Variants in PCM1 observed in about 807,000 individuals in gnomAD.
PCM1 encodes the protein pericentriolar material 1 protein.
PCM1 carries 157 observed loss-of-function variants against 241.9 expected under a neutral mutation model. That is an observed-to-expected ratio of 0.65 (90% CI 0.57 to 0.74). The LOEUF is 0.74. Ranked by LOEUF, PCM1 falls within the 30% of genes least tolerant of loss-of-function variation. PCM1 has a pLI of 0.00. For synonymous variants in PCM1, 1,085 were observed against 784.9 expected (o/e 1.38, Z -6.39); for missense variants, 3,478 against 2,360.1 (o/e 1.47, Z -9.81).
intron 6 of PCM1, among the ~76,000 whole-genome samples, chr8:17,942,938 A>G (rs1385848672): frequency 6.6e-6 from 1 of 151,620 alleles, no homozygotes; most frequent in African/African-American, 2.4e-5. Context: ...CGGAGGTTGC[A>G]GCGAGCCGAG....
intron 13 of PCM1, among the ~76,000 whole-genome samples, 177 bp from the exon 14 acceptor site, chr8:17,959,837 T>C (rs1199131049): frequency 6.6e-6 from 1 of 152,144 alleles, no homozygotes; most frequent in Non-Finnish European, 1.5e-5. Context: ...TGTATGCAAA[T>C]ACAAACGTGT....
chr8:17,930,414 A>C (rs1333628505), intron 2 of PCM1, among the ~76,000 whole-genome samples: 2 of 151,866 alleles, frequency 1.3e-5, no homozygotes, highest in African/African-American at 4.8e-5. Context: ...TTACTGGAAT[A>C]CTTTCTGTAC....
At chr8:17,983,340 T>G (rs2081566822) in intron 24 of PCM1, 1 of 1,147,092 alleles carries the variant, frequency 8.7e-7, no homozygotes, top group Non-Finnish European at 1.2e-6. Context: ...TTTTTCCCAT[T>G]GGTCCTAAAG....
chr8:17,952,476 C>T (rs2066439100), intron 8 of PCM1, among the ~76,000 whole-genome samples: 1 of 152,136 alleles, frequency 6.6e-6, no homozygotes, highest in South Asian at 2.1e-4. Flanking sequence ...GTAGAGTCAG[C>T]TCTCAGTATC....
chr8:17,970,604 A>G (rs1440457615), intron 22 of PCM1, among the ~76,000 whole-genome samples: 1 of 152,112 alleles, frequency 6.6e-6, no homozygotes, highest in Admixed American at 6.5e-5. Flanking sequence ...TGTTGTCAGA[A>G]GCCTAACACA....
At chr8:17,993,715 TAAAC>T in intron 29 of PCM1, 96 bp downstream of exon 29, 1 of 1,008,432 alleles carries the variant, frequency 9.9e-7, no homozygotes, top group Non-Finnish European at 1.4e-6. Flanking sequence ...ACGGTATAGG[TAAAC>T]AACAACAAAA....
intron 7 of PCM1, among the ~76,000 whole-genome samples, chr8:17,949,028 C>T (rs889229437): frequency 6.6e-6 from 1 of 152,212 alleles, no homozygotes; most frequent in East Asian, 1.9e-4. Context: ...AATTGTAGGT[C>T]AGGGGTCTTG....
chr8:18,008,651 C>A (rs890107502), intron 30 of PCM1, among the ~76,000 whole-genome samples: 1 of 152,082 alleles, frequency 6.6e-6, no homozygotes, highest in African/African-American at 2.4e-5. Context: ...TGCATAGTTA[C>A]AACAGTCTAA....
intron 6 of PCM1, among the ~76,000 whole-genome samples, chr8:17,940,818 G>C (rs1402295397): frequency 6.6e-6 from 1 of 152,176 alleles, no homozygotes; most frequent in East Asian, 1.9e-4. Context: ...GTGGTTCAAT[G>C]CTAGGGTGTT....
chr8:17,992,075 TAAATAAAC>T (rs1461756853), intron 28 of PCM1, among the ~76,000 whole-genome samples: 2 of 152,208 alleles, frequency 1.3e-5, no homozygotes, highest in South Asian at 4.1e-4. Context: ...GGTGTATAAA[TAAATAAAC>T]AAATATATCT....
At position 17,963,225 on chromosome 8, in the gene PCM1, T is replaced by G. The variant is rs753594143; in HGVS notation, c.2588T>G (p.Val863Gly). The change falls in exon 17 of 39, where the codon GTG becomes GGG. Residue 863 changes from valine (V) to glycine (G), a missense_variant. Coordinates refer to ENST00000325083, the MANE Select transcript of PCM1 (RefSeq NM_006197.4). ...GGTCTAGCTGAAACTGCATCTCCAG[T>G]GGCTGTGTCATTGAGAAGTGATGGA... ...RQGLAETASP[V>G]AVSLRSDGSE... is the part of the protein sequence containing the mutation. 1.2e-6 allele frequency: 2 copies of G among 1,613,676 alleles called. No individual in the cohort carries two copies. Among genetic ancestry groups the G allele is most frequent in the South Asian group, 1.1e-5 (1 of 90,994 alleles).
At chr8:17,935,988 A>G (rs192317790) in intron 3 of PCM1, among the ~76,000 whole-genome samples, 143 of 152,276 alleles carry the variant, frequency 9.4e-4, no homozygotes, top group African/African-American at 3.4e-3. Context: ...TGGAGAAGGA[A>G]TTGGGAAATT....
At chr8:17,932,306 G>C (rs969829189) in intron 2 of PCM1, among the ~76,000 whole-genome samples, 1 of 152,066 alleles carries the variant, frequency 6.6e-6, no homozygotes, top group African/African-American at 2.4e-5. Context: ...TAGAGAGGTA[G>C]AATTACTGCG....
chr8:17,924,066 G>C (rs557868946), intron 1 of PCM1, among the ~76,000 whole-genome samples: 1 of 151,878 alleles, frequency 6.6e-6, no homozygotes, highest in East Asian at 1.9e-4. Context: ...TTCGTGTTTG[G>C]GCGCTGGAAG....
intron 10 of PCM1, chr8:17,955,971 A>G (rs2068206199): frequency 2.7e-6 from 1 of 369,390 alleles, no homozygotes; most frequent in African/African-American, 2.1e-5. Context: ...CAGCCCTGAA[A>G]TTGTATCACA....
intron 4 of PCM1, 63 bp from the exon 5 acceptor site, chr8:17,938,677 G>C (rs2061147906): frequency 3.0e-6 from 4 of 1,333,942 alleles, no homozygotes; most frequent in Non-Finnish European, 4.2e-6. Context: ...GAACATTGGG[G>C]TTAAAACAAA....
intron 2 of PCM1, among the ~76,000 whole-genome samples, chr8:17,928,829 G>A (rs1048224474): frequency 1.3e-5 from 2 of 151,520 alleles, no homozygotes; most frequent in Admixed American, 6.6e-5. Context: ...ACAGGGTTTC[G>A]CAGTTTGGAA....
At chr8:17,944,683 A>C (rs2299590) in intron 6 of PCM1, among the ~76,000 whole-genome samples, 104,922 of 151,962 alleles carry the variant, frequency 0.69, 36,897 homozygotes, top group Non-Finnish European at 0.77. Flanking sequence ...CTGGTATGTT[A>C]TTACTCCTAC....
intron 6 of PCM1, among the ~76,000 whole-genome samples, chr8:17,943,036 A>G (rs1445227322): frequency 6.6e-6 from 1 of 151,842 alleles, no homozygotes; most frequent in Non-Finnish European, 1.5e-5. Context: ...AATACCATTT[A>G]TAAAAGTGCA....
Sources: gnomAD v4.1 joint callset for allele counts (sites outside exome capture counted in the v4.1 genomes callset) on GRCh38, gnomAD v4.1.1 for gene constraint, MANE v1.5 for transcripts, NCBI Gene and HGNC (gene_info 2026-07-23, HGNC 2026-07-21) for gene names.